Variants in RSRC1 observed in about 807,000 individuals in gnomAD.
RSRC1 encodes arginine and serine rich coiled-coil 1, also known as serine/Arginine-related protein 53.
In RSRC1, 39 loss-of-function variants were observed where a neutral mutation model predicts 49.1. The ratio of observed to expected loss-of-function variants is 0.79; its 90% CI spans 0.61 to 1.04. The LOEUF (loss-of-function observed/expected upper bound fraction) is 1.04. Among genes scored for constraint, RSRC1 ranks in the 50% least tolerant of loss-of-function variants. The pLI is 0.00. For missense variants in RSRC1, 388 were observed against 402.4 expected (o/e 0.96, Z 0.31); for synonymous variants, 143 against 130.8 (o/e 1.09, Z -0.63).
chr3:158,368,397 G>A (rs1731891804), intron 6 of RSRC1, among the ~76,000 whole-genome samples: 1 of 152,168 alleles, frequency 6.6e-6, no homozygotes, highest in Admixed American at 6.6e-5. Context: ...GAGTTTCTGT[G>A]AGGCAGACTG....
At chr3:158,139,406 G>A (rs1362794073) in intron 3 of RSRC1, among the ~76,000 whole-genome samples, 1 of 148,196 alleles carries the variant, frequency 6.7e-6, no homozygotes, top group African/African-American at 2.5e-5. Flanking sequence ...ACTTAGTCTG[G>A]AAAAAAAAAA....
intron 3 of RSRC1, among the ~76,000 whole-genome samples, chr3:158,171,943 C>T (rs1001170760): frequency 6.6e-6 from 1 of 150,698 alleles, no homozygotes; most frequent in Non-Finnish European, 1.5e-5. Context: ...CAGAGCAAGG[C>T]TGTGTCGCTT....
At chr3:158,307,357 T>C (rs964237434) in intron 5 of RSRC1, among the ~76,000 whole-genome samples, 70 of 151,992 alleles carry the variant, frequency 4.6e-4, no homozygotes, top group Middle Eastern at 3.4e-3. Flanking sequence ...GAATATGTGA[T>C]TCTATGAAAG....
At chr3:158,271,596 T>C (rs1258472762) in intron 4 of RSRC1, among the ~76,000 whole-genome samples, 1 of 152,156 alleles carries the variant, frequency 6.6e-6, no homozygotes, top group East Asian at 1.9e-4. Flanking sequence ...ATATATAGTT[T>C]CAATATTTTT....
intron 4 of RSRC1, among the ~76,000 whole-genome samples, chr3:158,228,426 A>G (rs1722644568): frequency 8.4e-6 from 1 of 119,564 alleles, no homozygotes; most frequent in South Asian, 2.6e-4. Context: ...TTTTGTTTAT[A>G]TAAGGTAGTA....
At chr3:158,118,340 C>A (rs4642075) in intron 1 of RSRC1, among the ~76,000 whole-genome samples, 107,336 of 151,064 alleles carry the variant, frequency 0.71, 38,849 homozygotes, top group African/African-American at 0.83. Context: ...CTCAAGGGAT[C>A]CTCCCACCTC....
intron 3 of RSRC1, among the ~76,000 whole-genome samples, chr3:158,145,075 G>C (rs1417170747): frequency 3.3e-5 from 5 of 152,132 alleles, no homozygotes; most frequent in Admixed American, 2.0e-4. Flanking sequence ...CTCCCATTCT[G>C]TAGGTTGCCT....
At chr3:158,215,813 T>G (rs546687255) in intron 4 of RSRC1, among the ~76,000 whole-genome samples, 1 of 151,854 alleles carries the variant, frequency 6.6e-6, no homozygotes, top group South Asian at 2.1e-4. Context: ...AGTTTATAGT[T>G]TTTGCTTTAA....
chr3:158,191,178 C>A (rs1720221151), intron 3 of RSRC1, among the ~76,000 whole-genome samples: 1 of 151,878 alleles, frequency 6.6e-6, no homozygotes, highest in Non-Finnish European at 1.5e-5. Context: ...CGCATCACTC[C>A]TAGAGTGTAG....
intron 7 of RSRC1, among the ~76,000 whole-genome samples, chr3:158,513,963 T>G (rs1473400455): frequency 6.6e-6 from 1 of 152,180 alleles, no homozygotes; most frequent in Non-Finnish European, 1.5e-5. Flanking sequence ...TCGGTGGTGA[T>G]ATCCCCTTTA....
intron 6 of RSRC1, among the ~76,000 whole-genome samples, chr3:158,432,239 G>A (rs1735804945): frequency 6.6e-6 from 1 of 151,908 alleles, no homozygotes; most frequent in Non-Finnish European, 1.5e-5. Flanking sequence ...AATGAGGATT[G>A]AATTGGCCCT....
chr3:158,230,994 G>C (rs827122), intron 4 of RSRC1, among the ~76,000 whole-genome samples: 93,312 of 151,922 alleles, frequency 0.61, 29,032 homozygotes, highest in East Asian at 0.73. Flanking sequence ...TACTTTTAAA[G>C]TCCTTGACAC....
chr3:158,502,745 T>G (rs1739661121), intron 7 of RSRC1, among the ~76,000 whole-genome samples: 2 of 152,152 alleles, frequency 1.3e-5, no homozygotes, highest in Non-Finnish European at 2.9e-5. Context: ...CTATTTCCTT[T>G]AATATTTCTC....
At chr3:158,473,955 C>CTAT (rs1163676946) in intron 7 of RSRC1, among the ~76,000 whole-genome samples, 1 of 152,108 alleles carries the variant, frequency 6.6e-6, no homozygotes, top group Non-Finnish European at 1.5e-5. Flanking sequence ...ATATTATTAT[C>CTAT]TATTAAGTCT....
At chr3:158,518,579 T>C (rs1387994603) in intron 7 of RSRC1, among the ~76,000 whole-genome samples, 2 of 152,128 alleles carry the variant, frequency 1.3e-5, no homozygotes, top group Non-Finnish European at 2.9e-5. Flanking sequence ...CATATATCCA[T>C]ATCCTCCATA....
intron 5 of RSRC1, among the ~76,000 whole-genome samples, chr3:158,322,787 A>G (rs1021506903): frequency 2.0e-5 from 3 of 151,464 alleles, no homozygotes; most frequent in Non-Finnish European, 4.4e-5. Context: ...GGCTCTGTTC[A>G]TTTTCCTTCA....
intron 6 of RSRC1, among the ~76,000 whole-genome samples, chr3:158,388,703 G>A (rs187305798): frequency 1.0e-3 from 157 of 150,336 alleles, no homozygotes; most frequent in African/African-American, 3.5e-3. Flanking sequence ...TCCGCCTCCC[G>A]GGTTGACGCC....
At chr3:158,196,412 G>T (rs1720620183) in intron 3 of RSRC1, among the ~76,000 whole-genome samples, 1 of 152,106 alleles carries the variant, frequency 6.6e-6, no homozygotes, top group Non-Finnish European at 1.5e-5. Context: ...TGAGACAGTG[G>T]GATTTTCTAG....
intron 5 of RSRC1, among the ~76,000 whole-genome samples, chr3:158,344,337 G>A (rs75028821): frequency 6.6e-6 from 1 of 152,104 alleles, no homozygotes; most frequent in Non-Finnish European, 1.5e-5. Context: ...ACCAGTTATG[G>A]AAAGGAAAGT....
Sources: allele counts gnomAD v4.1 joint callset (sites outside exome capture counted in the v4.1 genomes callset), GRCh38; gene constraint gnomAD v4.1.1; transcripts MANE v1.5; gene names NCBI Gene and HGNC (gene_info 2026-07-23, HGNC 2026-07-21).